Variants in FBXL20 observed in about 807,000 individuals in gnomAD.
FBXL20 encodes F-box/LRR-repeat protein 20.
FBXL20 carries 11 observed loss-of-function variants against 64.0 expected under a neutral mutation model. The observed-to-expected ratio is 0.17, with a 90% CI of 0.11 to 0.28. The LOEUF (loss-of-function observed/expected upper bound fraction) is 0.28. FBXL20 is among the 10% of genes least tolerant of loss of function. The pLI is 1.00. For synonymous variants in FBXL20, 184 were observed against 189.0 expected, an observed-to-expected ratio of 0.97 and a Z score of 0.22; for missense variants, 303 against 526.2, an observed-to-expected ratio of 0.58 and a Z score of 4.15.
intron 13 of FBXL20, 132 bp from the exon 14 acceptor site, chr17:39,264,519 T>C (rs1472790393): frequency 2.2e-6 from 2 of 906,066 alleles, no homozygotes; most frequent in East Asian, 5.3e-5. Flanking sequence ...TAGATCCACG[T>C]GGTGAAATTT....
chr17:39,306,739 A>G (rs1424023032), intron 2 of FBXL20, among the ~76,000 whole-genome samples: 2 of 152,210 alleles, frequency 1.3e-5, no homozygotes, highest in Non-Finnish European at 2.9e-5. Context: ...ACTGGTTTCA[A>G]GAATCTTCCC....
At position 39,385,193 on chromosome 17, in the gene FBXL20, G is replaced by A. The variant is rs542240312; in HGVS notation, c.42+16168C>T. On this transcript the variant is annotated intron_variant, in intron 1 of 14. Coordinates refer to ENST00000264658, the MANE Select transcript of FBXL20 (RefSeq NM_032875.3). Reference sequence around the variant, plus strand: ...GCTATGATGGCGCCACCGCACTCCAGACTGGGCAACATTGTGAGACACTGT... The same window carrying A: ...GCTATGATGGCGCCACCGCACTCCAAACTGGGCAACATTGTGAGACACTGT... Among the ~76,000 whole-genome samples, 15 of 152,178 alleles carry A rather than the reference G, an allele frequency of 9.9e-5. No homozygotes were observed. The South Asian group carries it at 1.9e-3, about 19-fold the overall frequency.
intron 1 of FBXL20, among the ~76,000 whole-genome samples, chr17:39,385,079 A>G (rs1181424666): frequency 6.6e-6 from 1 of 152,218 alleles, no homozygotes; most frequent in East Asian, 1.9e-4. Context: ...CCAATTAGCT[A>G]TGCATGGTGG....
intron 1 of FBXL20, among the ~76,000 whole-genome samples, chr17:39,362,448 CGGGT>C (rs1256177556): frequency 6.6e-6 from 1 of 152,112 alleles, no homozygotes; most frequent in Non-Finnish European, 1.5e-5. Context: ...CTCAGCCTCC[CGGGT>C]AGCTGGGATT....
intron 1 of FBXL20, among the ~76,000 whole-genome samples, chr17:39,386,122 A>G (rs117228720): frequency 0.039 from 5,935 of 150,342 alleles, 181 homozygotes; most frequent in Non-Finnish European, 0.064. Flanking sequence ...AGGTGGGTGG[A>G]TAAGAGGTCA....
Position 39,401,495 on chromosome 17 carries a change from A to G in FBXL20, c.-93T>C. 1 of 1,506,808 alleles carries G rather than the reference A, an allele frequency of 6.6e-7. No homozygotes were observed. The highest frequency in any genetic ancestry group is 8.8e-7 in the Non-Finnish European group (1 of 1,133,440). 93.3% of individuals were successfully genotyped at this position (1,506,808 alleles called of 1,614,324 possible). On this transcript the variant is annotated 5_prime_UTR_variant, in exon 1 of 15. Transcript: ENST00000264658. ...CAGGCCCGGGAGTTCCGGGACGGGG[A>G]CTGGGCGCCGGAGGGGTGACGCCGG...
intron 1 of FBXL20, among the ~76,000 whole-genome samples, chr17:39,392,566 C>T (rs769690820): frequency 2.0e-5 from 3 of 151,908 alleles, no homozygotes; most frequent in African/African-American, 4.8e-5. Context: ...ACAAAAAATG[C>T]TCTACACTTA....
chr17:39,323,931 A>T (rs756901645), intron 2 of FBXL20, among the ~76,000 whole-genome samples: 3 of 141,900 alleles, frequency 2.1e-5, no homozygotes, highest in Non-Finnish European at 4.4e-5. Context: ...ACGCCTGGCT[A>T]TTTTTTGTAT....
rs61577384 is a variant in FBXL20, at chr17:39,378,534, C to A, written c.42+22827G>T. On this transcript the variant is annotated intron_variant, in intron 1 of 14. Coordinates refer to ENST00000264658, the MANE Select transcript of FBXL20 (RefSeq NM_032875.3). The stretch of plus-strand genomic sequence containing the variant: ...GCCAACAGGCACACAAAAAGATGGT[C>A]AACATCATTCATTAGACAATTACAA... Among the ~76,000 whole-genome samples, 1,260 of 152,104 alleles carry A rather than the reference C, an allele frequency of 8.3e-3. 17 individuals are homozygous for A. The highest frequency in any genetic ancestry group is 0.029 in the African/African-American group (1,195 of 41,496).
At chr17:39,267,554 C>T (rs984220183) in intron 12 of FBXL20, among the ~76,000 whole-genome samples, 2 of 152,188 alleles carry the variant, frequency 1.3e-5, no homozygotes, top group African/African-American at 4.8e-5. Flanking sequence ...AAGCATGCCA[C>T]TACTCAGTAT....
Position 39,259,592 on chromosome 17 carries a change from GC to G in FBXL20, c.*1867del, listed in dbSNP as rs2046726668. On this transcript the variant is annotated 3_prime_UTR_variant, in exon 15 of 15. Coordinates refer to ENST00000264658, the MANE Select transcript of FBXL20 (RefSeq NM_032875.3). Reference sequence around the variant, plus strand: ...ACTAAATTCCTCCCTCAGTTCTAGTGCCCAGGCTAAGCAGAGACACTAAACC... The same window carrying G: ...ACTAAATTCCTCCCTCAGTTCTAGTGCCAGGCTAAGCAGAGACACTAAACC... 2 of 152,054 alleles carry G rather than the reference GC, an allele frequency of 1.3e-5. No homozygotes were observed. The highest frequency in any genetic ancestry group is 1.3e-4 in the Admixed American group (2 of 15,248). The allele number at this position is 152,054 out of a possible 1,614,324, so 9.4% of individuals were successfully genotyped here.
intron 2 of FBXL20, among the ~76,000 whole-genome samples, chr17:39,330,389 G>A (rs1307734969): frequency 3.4e-5 from 5 of 148,346 alleles, no homozygotes; most frequent in South Asian, 2.2e-4. Context: ...TGAGGCAGGC[G>A]GATCACATGA....
intron 1 of FBXL20, among the ~76,000 whole-genome samples, chr17:39,370,828 AACCTTATATTAGCCCCTTCT>A (rs1385225150): frequency 6.6e-6 from 1 of 151,380 alleles, no homozygotes; most frequent in Non-Finnish European, 1.5e-5. Context: ...AAACATTGGC[AACCTTATATTAGCCCCTTCT>A]ACCTCTTTTC....
chr17:39,369,314 G>A (rs1311073027), intron 1 of FBXL20, among the ~76,000 whole-genome samples: 1 of 143,446 alleles, frequency 7.0e-6, no homozygotes, highest in African/African-American at 2.6e-5. Flanking sequence ...CTGGAGTGCA[G>A]TGGTGTGATC....
At chr17:39,302,866 T>A (rs1383874950) in intron 3 of FBXL20, among the ~76,000 whole-genome samples, 1 of 151,992 alleles carries the variant, frequency 6.6e-6, no homozygotes, top group African/African-American at 2.4e-5. Flanking sequence ...CTTACAACTG[T>A]GATATAGTGA....
At chr17:39,294,408 T>C (rs2047066644) in intron 6 of FBXL20, among the ~76,000 whole-genome samples, 1 of 151,850 alleles carries the variant, frequency 6.6e-6, no homozygotes, top group Admixed American at 6.6e-5. Context: ...GCCTCCCAAG[T>C]AGCTTGGACT....
chr17:39,315,086 T>A (rs1330844098), intron 2 of FBXL20, among the ~76,000 whole-genome samples: 1 of 152,056 alleles, frequency 6.6e-6, no homozygotes, highest in Non-Finnish European at 1.5e-5. Flanking sequence ...GTTGGGCTAC[T>A]GTGCCCAGCT....
intron 1 of FBXL20, among the ~76,000 whole-genome samples, chr17:39,349,141 A>T (rs2047662261): frequency 1.3e-5 from 2 of 151,806 alleles, no homozygotes. Flanking sequence ...AATCCCAGCT[A>T]CTTGGGAGGC....
chr17:39,263,497 A>T (rs933061797), intron 14 of FBXL20, among the ~76,000 whole-genome samples: 1 of 152,158 alleles, frequency 6.6e-6, no homozygotes, highest in African/African-American at 2.4e-5. Context: ...CCTGGGTGAC[A>T]GAGGAGACCC....
Sources: allele counts gnomAD v4.1 joint callset (sites outside exome capture counted in the v4.1 genomes callset), GRCh38; gene constraint gnomAD v4.1.1; transcripts MANE v1.5; gene names NCBI Gene and HGNC (gene_info 2026-07-23, HGNC 2026-07-21).